HMGB3: variants seen among roughly 807,000 people sequenced by gnomAD.
HMGB3 encodes the protein high mobility group protein B3.
HMGB3 carries 1 observed loss-of-function variant against 12.9 expected under a neutral mutation model. The observed-to-expected ratio is 0.08, with a 90% CI of 0.03 to 0.37. The LOEUF (loss-of-function observed/expected upper bound fraction) is 0.37. HMGB3 is among the 10% of genes least tolerant of loss of function. The probability of loss-of-function intolerance (pLI) is 0.99; values close to 1 mark genes in which losing one functional copy is unlikely to be tolerated. For synonymous variants in HMGB3, 61 were observed against 53.9 expected (o/e 1.13, Z -0.57); for missense variants, 74 against 153.3 (o/e 0.48, Z 2.73).
At position 150,988,656 on chromosome X, in the gene HMGB3, A is replaced by C. The variant is rs2048080783; in HGVS notation, c.*742A>C. On this transcript the variant is annotated 3_prime_UTR_variant, in exon 5 of 5. Transcript: ENST00000325307. ...AGCAAAGAGTCACTGCATCAATGAA[A>C]GTTCAAGAACCTCCTGTACTTAAAC... is the stretch of plus-strand genomic sequence containing the variant. 1 of 112,424 alleles carries C rather than the reference A, an allele frequency of 8.9e-6. No individual in the cohort carries two copies. Among genetic ancestry groups the C allele is most frequent in the Non-Finnish European group, 1.9e-5 (1 of 53,311 alleles). 9.3% of individuals were successfully genotyped at this position (112,424 alleles called of 1,213,427 possible).
chrX:150,986,481 T>G (rs1485707503), intron 3 of HMGB3, among the ~76,000 whole-genome samples: 1 of 109,315 alleles, frequency 9.1e-6, no homozygotes, highest in Non-Finnish European at 1.9e-5. Context: ...TCAGGGTCCT[T>G]GAAGTATGTT....
rs1403021619 is a variant in HMGB3 at position 150,987,767 on chromosome X, G to C, written c.466-10G>C. 5.8e-6 allele frequency: 7 copies of C among 1,197,310 alleles called. No homozygotes were observed. Among genetic ancestry groups the C allele is most frequent in the Non-Finnish European group, 7.9e-6 (7 of 886,630 alleles). ...GCATACTCATTTGAAATGTGTCCCT[G>C]TTCCTCTAGGATGTTGCTGACTATA... On this transcript the variant is annotated splice_polypyrimidine_tract_variant and intron_variant, in intron 4 of 4. Transcript: ENST00000325307.
upstream of HMGB3, chrX:150,980,696 G>A: frequency 1.8e-6 from 1 of 567,512 alleles, no homozygotes; most frequent in Non-Finnish European, 2.1e-6. Flanking sequence ...CAGTGGGGCA[G>A]GGAAGCATGG....
upstream of HMGB3, among the ~76,000 whole-genome samples, chrX:150,982,545 TAAG>T (rs1420741939): frequency 8.9e-6 from 1 of 112,167 alleles, no homozygotes. Flanking sequence ...GTGAAGAGGG[TAAG>T]AAGAAAAGTG....
At chrX:150,984,726 C>G (rs1353524682) in intron 1 of HMGB3, 1 of 167,399 alleles carries the variant, frequency 6.0e-6, no homozygotes, top group Admixed American at 9.2e-5. Context: ...GCCCGGGCCG[C>G]CGCTGCGGGT....
intron 3 of HMGB3, among the ~76,000 whole-genome samples, chrX:150,986,507 A>G (rs1217564781): frequency 1.8e-5 from 2 of 109,475 alleles, no homozygotes; most frequent in East Asian, 2.9e-4. Context: ...TGCCTTTCCT[A>G]GTAATTGAAA....
upstream of HMGB3, among the ~76,000 whole-genome samples, chrX:150,982,178 G>C (rs185926944): frequency 1.7e-3 from 191 of 111,877 alleles, no homozygotes; most frequent in Admixed American, 3.0e-3. Context: ...TGCATTTGAA[G>C]TGGAGTATTT....
Position 150,988,987 on chromosome X carries a change from G to A in HMGB3, c.*1073G>A, listed in dbSNP as rs781954033. 9.0e-6 allele frequency: 1 copy of A among 111,485 alleles called. No individual in the cohort carries two copies. The highest frequency in any genetic ancestry group is 3.3e-5 in the African/African-American group (1 of 30,666). The allele number at this position is 111,485 out of a possible 1,213,427, so 9.2% of individuals were successfully genotyped here. A position where few individuals can be genotyped will look rare whatever the true frequency, so the allele number is the denominator to read the frequency against. On this transcript the variant is annotated 3_prime_UTR_variant, in exon 5 of 5. Transcript: ENST00000325307. Reference sequence around the variant, plus strand: ...TTCAGATGAAGTCTGGAGGAGTTAGGAGAACGACATAGGCAAGGTTCAGCA... The same window carrying A: ...TTCAGATGAAGTCTGGAGGAGTTAGAAGAACGACATAGGCAAGGTTCAGCA...
rs1335049388 is a variant in HMGB3 at position 150,988,699 on chromosome X, GTTA to G, written c.*788_*790del. ...ACTTAAACACGATTCGCAACGTTCT[GTTA>G]TTTTTTTTGTATGTTTAGAATGCTG... On this transcript the variant is annotated 3_prime_UTR_variant, in exon 5 of 5. Transcript: ENST00000325307. 1.8e-5 allele frequency: 2 copies of G among 112,088 alleles called. No homozygotes were observed. The highest frequency in any genetic ancestry group is 6.5e-5 in the African/African-American group (2 of 30,780). 9.2% of individuals were successfully genotyped at this position (112,088 alleles called of 1,213,427 possible). A position where few individuals can be genotyped will look rare whatever the true frequency, so the allele number is the denominator to read the frequency against.
intron 2 of HMGB3, 82 bp downstream of exon 2, chrX:150,985,831 A>G (rs1557425222): frequency 1.1e-6 from 1 of 920,875 alleles, no homozygotes. Context: ...TTTCTCCCAG[A>G]TAGCTGCTTG....
intron 1 of HMGB3, among the ~76,000 whole-genome samples, chrX:150,984,381 G>A (rs1158387439): frequency 1.2e-4 from 12 of 99,252 alleles, no homozygotes; most frequent in African/African-American, 4.3e-4. Context: ...GGCGGGGCCC[G>A]GGCCGCTTTG....
rs980421996 is a variant in HMGB3, at chrX:150,988,881, A to G, written c.*967A>G. ...AATGTGGTAGCTTCTTTTATTACTC[A>G]GTGGCCAGCTCACTTAGGGCTGAGA... is the stretch of plus-strand genomic sequence containing the variant. On this transcript the variant is annotated 3_prime_UTR_variant, in exon 5 of 5. Coordinates refer to ENST00000325307, the MANE Select transcript of HMGB3 (RefSeq NM_005342.4). The G allele has an allele frequency of 8.9e-6, 1 of 111,833 alleles. No individual in the cohort carries two copies. The highest frequency in any genetic ancestry group is 2.8e-4 in the East Asian group (1 of 3,539). The allele number at this position is 111,833 out of a possible 1,213,427, so 9.2% of individuals were successfully genotyped here.
chrX:150,985,826 C>G lies in HMGB3; in HGVS notation c.150+77C>G, dbSNP rs1242537585. ...GGGGTTACTTACCTTCAGATTTTCT[C>G]CCAGATAGCTGCTTGCTTCCTCTTT... On this transcript the variant is annotated intron_variant, in intron 2 of 4. Transcript: ENST00000325307. 9 of 933,094 alleles carry G rather than the reference C, an allele frequency of 9.6e-6. No individual in the cohort carries two copies. In the African/African-American group the frequency reaches 1.4e-4, roughly 14 times the overall value. 76.9% of individuals were successfully genotyped at this position (933,094 alleles called of 1,213,427 possible).
intron 1 of HMGB3, among the ~76,000 whole-genome samples, chrX:150,983,814 C>T (rs1260064842): frequency 9.4e-6 from 1 of 106,925 alleles, no homozygotes; most frequent in Non-Finnish European, 2.0e-5. Context: ...CGGGAGTTCC[C>T]CGGCCCGCGA....
chrX:150,987,094 T>G (rs2048061455), intron 3 of HMGB3, 34 bp from the exon 4 acceptor site: 1 of 1,105,507 alleles, frequency 9.0e-7, no homozygotes, highest in Non-Finnish European at 1.2e-6. Flanking sequence ...AAATTTTTTG[T>G]GGTTTCTCAT....
intron 1 of HMGB3, among the ~76,000 whole-genome samples, chrX:150,984,044 C>T (rs1186623356): frequency 2.0e-5 from 2 of 101,351 alleles, no homozygotes; most frequent in South Asian, 4.3e-4. Context: ...TCCCGCCCGC[C>T]CGGCGCCGCC....
At chrX:150,983,095 G>C (rs1257101114), upstream of HMGB3, among the ~76,000 whole-genome samples, 1 of 113,043 alleles carries the variant, frequency 8.8e-6, no homozygotes, top group Non-Finnish European at 1.9e-5. Context: ...CGAGGTGGGC[G>C]GGGCGGGCAG....
In HMGB3 at chrX:150,990,751, C is replaced by A. The variant is rs1349033787; in HGVS notation, c.*2837C>A. On this transcript the variant is annotated 3_prime_UTR_variant, in exon 5 of 5. Transcript: ENST00000325307. ...GCATTCATTTTCTGTAATAAAGTTT[C>A]TTAATCACTCTTCCCAAAAAGTAAT... The A allele has an allele frequency of 1.8e-5, 2 of 111,715 alleles. No individual in the cohort carries two copies. Among genetic ancestry groups the A allele is most frequent in the Non-Finnish European group, 3.8e-5 (2 of 53,176 alleles). 9.2% of individuals were successfully genotyped at this position (111,715 alleles called of 1,213,427 possible).
At chrX:150,984,598 C>A in intron 1 of HMGB3, 11 of 746,324 alleles carry the variant, frequency 1.5e-5, no homozygotes, top group Non-Finnish European at 1.7e-5. Context: ...CACTTTCTTT[C>A]ATCAGGAGGC....
Sources: allele counts gnomAD v4.1 joint callset (sites outside exome capture counted in the v4.1 genomes callset), GRCh38; gene constraint gnomAD v4.1.1; transcripts MANE v1.5; gene names NCBI Gene and HGNC (gene_info 2026-07-23, HGNC 2026-07-21).